ARHGDIG: variants seen among roughly 807,000 people sequenced by gnomAD.
The protein encoded by ARHGDIG is Rho GDP dissociation inhibitor gamma, also known as rho GDP-dissociation inhibitor 3.
In ARHGDIG, 14 loss-of-function variants were observed where a neutral mutation model predicts 20.2. The observed-to-expected ratio is 0.69, with a 90% CI of 0.46 to 1.08. The LOEUF is 1.08. Among genes scored for constraint, ARHGDIG ranks in the 50% least tolerant of loss-of-function variants. The probability of loss-of-function intolerance (pLI) is 0.00; values close to 1 mark genes in which losing one functional copy is unlikely to be tolerated. For synonymous variants in ARHGDIG, 193 were observed against 138.6 expected (o/e 1.39, Z -2.76); for missense variants, 311 against 301.8 (o/e 1.03, Z -0.23).
Position 281,733 on chromosome 16 carries a change from TC to T in ARHGDIG, c.74-9del. The stretch of plus-strand genomic sequence containing the variant: ...CGCTAGTGGCTGCTGCTCACGCCCC[TC>T]CCCACCCCCAGTCCTCCTGGCTGAC... On this transcript the variant is annotated splice_polypyrimidine_tract_variant and intron_variant, in intron 1 of 5. Transcript: ENST00000219409. The T allele has an allele frequency of 1.3e-6, 2 of 1,564,634 alleles. No individual in the cohort carries two copies. Among genetic ancestry groups the T allele is most frequent in the South Asian group, 1.2e-5 (1 of 86,866 alleles).
At chr16:282,567 G>GGGGCCGGGGGGGGGGGGGGGC in intron 5 of ARHGDIG, 37 bp downstream of exon 5, 1 of 957,328 alleles carries the variant, frequency 1.0e-6, no homozygotes, top group Non-Finnish European at 1.5e-6. Flanking sequence ...GCGGGGGGGG[G>GGGGCCGGGGGGGGGGGGGGGC]AAGCGGGGGC....
chr16:282,028 C>A lies in ARHGDIG; in HGVS notation c.257C>A (p.Pro86Gln), dbSNP rs200015949. The A allele has an allele frequency of 6.2e-7, 1 of 1,612,344 alleles. No individual in the cohort carries two copies. Among genetic ancestry groups the A allele is most frequent in the Non-Finnish European group, 8.5e-7 (1 of 1,179,866 alleles). The change falls in exon 3 of 6, where the codon CCA (proline) becomes CAA (glutamine). Residue 86 changes from proline to glutamine, a missense_variant. Transcript: ENST00000219409. ...LLGPLPPAVD[P>Q]SLPNVQVTRL... ...CAGACTTCCAGTTTCTCCTCAGACC[C>A]AAGCCTGCCCAATGTGCAGGTGACC... is the stretch of plus-strand genomic sequence containing the variant.
At position 280,774 on chromosome 16, in the gene ARHGDIG, CG is replaced by C. The variant is rs1025745404; in HGVS notation, c.73+27del. On this transcript the variant is annotated intron_variant, in intron 1 of 5. Coordinates refer to ENST00000219409, the MANE Select transcript of ARHGDIG (RefSeq NM_001176.4). The surrounding 1 kb of genome is among the most constrained non-coding windows in gnomAD (Gnocchi z 6.6). ...CCGAGGTGAGCGGGCCGGGCAGGGG[CG>C]GGGGGCTCGGCTGGTCTCAGCCCCG... 2.8e-5 allele frequency: 36 copies of C among 1,263,826 alleles called. No individual in the cohort carries two copies. The highest frequency in any genetic ancestry group is 6.6e-5 in the South Asian group (3 of 45,188). The allele number at this position is 1,263,826 out of a possible 1,614,324, so 78.3% of individuals were successfully genotyped here.
At position 282,723 on chromosome 16, in the gene ARHGDIG, A is replaced by G. The variant is rs1441647512; in HGVS notation, c.587A>G (p.Tyr196Cys). ...AGGGGTGCGCTGGTGCGGGGCCCCT[A>G]TCTGGTGGTGTCCCTCTTCACCGAC... ...APRGALVRGP[Y>C]LVVSLFTDDD... is the part of the protein sequence containing the mutation. Residue 196 changes from tyrosine to cysteine, a missense_variant, in exon 6 of 6, where the codon TAT becomes TGT. Tyr to Cys is a radical substitution (Grantham distance 194). Coordinates refer to ENST00000219409, the MANE Select transcript of ARHGDIG (RefSeq NM_001176.4). 6.2e-7 allele frequency: 1 copy of G among 1,605,548 alleles called. No individual in the cohort carries two copies. Among genetic ancestry groups the G allele is most frequent in the South Asian group, 1.1e-5 (1 of 89,778 alleles).
At chr16:281,493 C>T in intron 1 of ARHGDIG, 1 of 470,542 alleles carries the variant, frequency 2.1e-6, no homozygotes, top group Non-Finnish European at 3.8e-6. Context: ...GGGAGGGGGC[C>T]CTTGTGGACA....
chr16:282,605 C>T lies in ARHGDIG; in HGVS notation c.479-10C>T, dbSNP rs776862450. 7 of 1,588,176 alleles carry T rather than the reference C, an allele frequency of 4.4e-6. No homozygotes were observed. In the East Asian group the frequency reaches 1.4e-4, roughly 31 times the overall value. On this transcript the variant is annotated splice_polypyrimidine_tract_variant and intron_variant, in intron 5 of 5. Transcript: ENST00000219409. ...ACAGAGGACAGCTCTGATGCCCTCG[C>T]CCTCCCTAGTGGACAAGACCGTCTA...
chr16:282,389 A>G lies in ARHGDIG; in HGVS notation c.414+16A>G. 3 of 897,700 alleles carry G rather than the reference A, an allele frequency of 3.3e-6. No individual in the cohort carries two copies. The highest frequency in any genetic ancestry group is 2.6e-4 in the Middle Eastern group (1 of 3,910). 55.6% of individuals were successfully genotyped at this position (897,700 alleles called of 1,614,324 possible). On this transcript the variant is annotated intron_variant, in intron 4 of 5. Coordinates refer to ENST00000219409, the MANE Select transcript of ARHGDIG (RefSeq NM_001176.4). Reference sequence around the variant, plus strand: ...CTCCTTCAAGGTGAGAGCCGGGGCAATGGGCGGAGGGGATGGGGGTGGGGG... The same window carrying G: ...CTCCTTCAAGGTGAGAGCCGGGGCAGTGGGCGGAGGGGATGGGGGTGGGGG...
intron 1 of ARHGDIG, chr16:281,097 G>GC (rs910597509): frequency 9.5e-5 from 15 of 158,172 alleles, no homozygotes; most frequent in African/African-American, 2.4e-4. Flanking sequence ...CAGGGACTCA[G>GC]AAACCCCTGC....
intron 1 of ARHGDIG, chr16:281,477 G>A (rs1025698799): frequency 6.9e-6 from 3 of 433,336 alleles, no homozygotes; most frequent in African/African-American, 4.0e-5. Flanking sequence ...TTTGGTCTCC[G>A]AGTCAGGGAG....
Position 282,544 on chromosome 16 carries a change from TG to T in ARHGDIG, c.478+20del. 1.0e-5 allele frequency: 3 copies of T among 289,478 alleles called. No homozygotes were observed. Among genetic ancestry groups the T allele is most frequent in the Non-Finnish European group, 1.5e-5 (3 of 194,116 alleles). The allele number at this position is 289,478 out of a possible 1,614,324, so 17.9% of individuals were successfully genotyped here. ...GGGGCCTGCGCGGTGAGGGCAGCGG[TG>T]GGGGGAACGGGGCGGGGGGGGGAAG... On this transcript the variant is annotated intron_variant, in intron 5 of 5. Coordinates refer to ENST00000219409, the MANE Select transcript of ARHGDIG (RefSeq NM_001176.4).
rs2052294728 is a variant in ARHGDIG, at chr16:282,334, G to A, written c.375G>A (p.Leu125=). The change falls in exon 4 of 6, where the codon CTG becomes CTA. Residue 125 remains leucine, a synonymous_variant. Coordinates refer to ENST00000219409, the MANE Select transcript of ARHGDIG (RefSeq NM_001176.4). ...LAVLKDQVFV[L]KEGVDYRVKI... ...TTCTGAAGGACCAGGTGTTTGTCCT[G>A]AAGGAAGGTGTTGATTACAGAGTGA... 1 of 1,612,898 alleles carries A rather than the reference G, an allele frequency of 6.2e-7. No homozygotes were observed.
Position 281,830 on chromosome 16 carries a change from G to A in ARHGDIG, c.158G>A (p.Arg53Lys), listed in dbSNP as rs1382972546. Residue 53 changes from arginine to lysine, a missense_variant, in exon 2 of 6, where the codon AGG (arginine) becomes AAG (lysine). By Grantham distance (26) the Arg-to-Lys change is conservative. Transcript: ENST00000219409. ...EAVPEYRAPG[R>K]KSLLEIRQLD... ...GTGCCCGAGTACCGGGCGCCGGGGA[G>A]GAAGAGCCTCTTGGAGATCCGGCAG... 1 of 1,611,876 alleles carries A rather than the reference G, an allele frequency of 6.2e-7. No individual in the cohort carries two copies. The highest frequency in any genetic ancestry group is 8.5e-7 in the Non-Finnish European group (1 of 1,179,822).
chr16:282,625 C>G lies in ARHGDIG; in HGVS notation c.489C>G (p.Thr163=), dbSNP rs140706640. The change falls in exon 6 of 6, where the codon ACC becomes ACG. Residue 163 remains threonine (T), a synonymous_variant. Coordinates refer to ENST00000219409, the MANE Select transcript of ARHGDIG (RefSeq NM_001176.4). Reference sequence around the variant, plus strand: ...CCTCGCCCTCCCTAGTGGACAAGACCGTCTACATGGTGGGCAGCTATGGCC... The same window carrying G: ...CCTCGCCCTCCCTAGTGGACAAGACGGTCTACATGGTGGGCAGCTATGGCC... ...TYRRGLRVDK[T]VYMVGSYGPS... 5 of 1,596,552 alleles carry G rather than the reference C, an allele frequency of 3.1e-6. No homozygotes were observed. The highest frequency in any genetic ancestry group is 1.1e-5 in the South Asian group (1 of 88,634).
chr16:280,798 C>A lies in ARHGDIG; in HGVS notation c.73+45C>A. The A allele has an allele frequency of 8.2e-7, 1 of 1,225,354 alleles. No individual in the cohort carries two copies. Among genetic ancestry groups the A allele is most frequent in the Non-Finnish European group, 1.0e-6 (1 of 974,012 alleles). 75.9% of individuals were successfully genotyped at this position (1,225,354 alleles called of 1,614,324 possible). On this transcript the variant is annotated intron_variant, in intron 1 of 5. Transcript: ENST00000219409. This position sits in a 1 kb window ranked among gnomAD's most constrained non-coding sequence, Gnocchi z 6.6. ...GCGGGGGGCTCGGCTGGTCTCAGCC[C>A]CGGGCGGGGAGTAGCCCCTCCCCCG... is the stretch of plus-strand genomic sequence containing the variant.
rs1185745308 is a variant in ARHGDIG, at chr16:280,647, C to A, written c.-34C>A. On this transcript the variant is annotated 5_prime_UTR_variant, in exon 1 of 6. Coordinates refer to ENST00000219409, the MANE Select transcript of ARHGDIG (RefSeq NM_001176.4). The surrounding 1 kb of genome is among the most constrained non-coding windows in gnomAD (Gnocchi z 6.6). ...GGCGGCGGGGCGGGCGGCGGCTCCT[C>A]GGCGGCTCCGCGGCGCCCGGGCCGC... is the stretch of plus-strand genomic sequence containing the variant. The A allele has an allele frequency of 1.2e-5, 10 of 844,482 alleles. No homozygotes were observed. Among genetic ancestry groups the A allele is most frequent in the Non-Finnish European group, 1.3e-5 (10 of 760,260 alleles). 52.3% of individuals were successfully genotyped at this position (844,482 alleles called of 1,614,324 possible). A position where few individuals can be genotyped will look rare whatever the true frequency, so the allele number is the denominator to read the frequency against.
At chr16:281,618 GC>G in intron 1 of ARHGDIG, 127 bp from the exon 2 acceptor site, 2 of 1,135,264 alleles carry the variant, frequency 1.8e-6, no homozygotes, top group Non-Finnish European at 2.4e-6. Context: ...CTCTCCCTGA[GC>G]CCCCAGAGGC....
In ARHGDIG at chr16:280,750, C is replaced by T; in HGVS notation, c.70C>T (p.Arg24Ter). Residue 24 changes from arginine (R) to a stop codon, truncating the protein, a stop_gained, in exon 1 of 6, where the codon CGA (arginine) becomes TGA (stop). Transcript: ENST00000219409. LOFTEE classifies it high-confidence loss of function. This position sits in a 1 kb window ranked among gnomAD's most constrained non-coding sequence, Gnocchi z 6.6. Reference protein sequence around the residue: ...LELLRLALCARVLLADKEGGP... With the variant: ...LELLRLALCA ...GCTGCTCCGGCTGGCGCTGTGCGCC[C>T]GAGGTGAGCGGGCCGGGCAGGGGCG... 1.6e-6 allele frequency: 2 copies of T among 1,287,270 alleles called. No individual in the cohort carries two copies. Among genetic ancestry groups the T allele is most frequent in the Non-Finnish European group, 2.0e-6 (2 of 1,014,612 alleles). 79.7% of individuals were successfully genotyped at this position (1,287,270 alleles called of 1,614,324 possible).
Position 282,912 on chromosome 16 carries a change from GCCCCTGCT to G in ARHGDIG, c.*99_*106del. 1.0e-6 allele frequency: 1 copy of G among 983,178 alleles called. No individual in the cohort carries two copies. Among genetic ancestry groups the G allele is most frequent in the Non-Finnish European group, 1.4e-6 (1 of 708,128 alleles). 60.9% of individuals were successfully genotyped at this position (983,178 alleles called of 1,614,324 possible). The stretch of plus-strand genomic sequence containing the variant: ...GTGAGTGACCAGACCCTCCCCTGCT[GCCCCTGCT>G]GCCCCTGCTGCCCCTGCTCTGTCCC... On this transcript the variant is annotated 3_prime_UTR_variant, in exon 6 of 6. Coordinates refer to ENST00000219409, the MANE Select transcript of ARHGDIG (RefSeq NM_001176.4).
chr16:280,599 C>A lies in ARHGDIG; in HGVS notation c.-82C>A. 4 of 668,652 alleles carry A rather than the reference C, an allele frequency of 6.0e-6. No homozygotes were observed. Among genetic ancestry groups the A allele is most frequent in the Non-Finnish European group, 7.4e-6 (4 of 543,520 alleles). The allele number at this position is 668,652 out of a possible 1,614,324, so 41.4% of individuals were successfully genotyped here. A position where few individuals can be genotyped will look rare whatever the true frequency, so the allele number is the denominator to read the frequency against. On this transcript the variant is annotated 5_prime_UTR_variant, in exon 1 of 6. Coordinates refer to ENST00000219409, the MANE Select transcript of ARHGDIG (RefSeq NM_001176.4). This position sits in a 1 kb window ranked among gnomAD's most constrained non-coding sequence, Gnocchi z 6.6. The stretch of plus-strand genomic sequence containing the variant: ...CGGGATGAGCTCACCGCAGTCGCGC[C>A]GGGGCTGAGCGCCGAGCGGGGCGGC...
Sources: allele counts gnomAD v4.1 joint callset, GRCh38; gene constraint gnomAD v4.1.1; non-coding constraint Gnocchi (gnomAD v3.1); transcripts MANE v1.5; gene names NCBI Gene and HGNC (gene_info 2026-07-23, HGNC 2026-07-21).